SPACA7: variants seen among roughly 807,000 people sequenced by gnomAD.
SPACA7 encodes the protein sperm acrosome associated 7.
A neutral mutation model predicts 26.3 loss-of-function variants in SPACA7; 19 were observed. That is an observed-to-expected ratio of 0.72 (90% CI 0.50 to 1.06). SPACA7 has a LOEUF of 1.06. Ranked by LOEUF, SPACA7 falls within the 50% of genes least tolerant of loss-of-function variation. The probability of loss-of-function intolerance (pLI) is 0.00; values close to 1 mark genes in which losing one functional copy is unlikely to be tolerated. For missense variants in SPACA7, 211 were observed against 229.9 expected (o/e 0.92, Z 0.53); for synonymous variants, 84 against 84.5 (o/e 0.99, Z 0.04).
intron 5 of SPACA7, among the ~76,000 whole-genome samples, chr13:112,407,343 C>A (rs1886050396): frequency 6.6e-6 from 1 of 152,100 alleles, no homozygotes; most frequent in Non-Finnish European, 1.5e-5. Flanking sequence ...CAAAAGCTAG[C>A]AGAAGGCAAG....
intron 2 of SPACA7, among the ~76,000 whole-genome samples, chr13:112,396,900 C>T (rs1360279506): frequency 1.1e-4 from 16 of 152,196 alleles, no homozygotes; most frequent in Non-Finnish European, 2.4e-4. Flanking sequence ...TCGTCCACTC[C>T]CAGGGCAGGA....
At position 112,388,238 on chromosome 13, in the gene SPACA7, G is replaced by A. The variant is rs538779452; in HGVS notation, c.95-4783G>A. Among the ~76,000 whole-genome samples the A allele has an allele frequency of 2.0e-5, 3 of 152,206 alleles. No homozygotes were observed. In the East Asian group the frequency reaches 5.8e-4, roughly 29 times the overall value. On this transcript the variant is annotated intron_variant, in intron 1 of 6. Transcript: ENST00000283550. ...AACTATCCTCCTATTCTCCATCTGG[G>A]AAACCTCCTCAAAATCTTCCTGAGT... is the stretch of plus-strand genomic sequence containing the variant.
intron 1 of SPACA7, among the ~76,000 whole-genome samples, chr13:112,381,867 A>G (rs1277922613): frequency 6.6e-6 from 1 of 152,196 alleles, no homozygotes; most frequent in Non-Finnish European, 1.5e-5. Flanking sequence ...TGATCCATCA[A>G]GGGCAGGATC....
rs1876078988 is a variant in SPACA7 at position 112,422,416 on chromosome 13, AAAC to A, written c.446-10023_446-10021del. Among the ~76,000 whole-genome samples, 3 of 152,352 alleles carry A rather than the reference AAAC, an allele frequency of 2.0e-5. No individual in the cohort carries two copies. In the South Asian group the frequency reaches 6.2e-4, roughly 32 times the overall value. ...GACAGAATAAGGACATAAAAGGCCA[AAAC>A]AACATTTTTAGCCAAATTACTCAAA... On this transcript the variant is annotated intron_variant, in intron 5 of 6. Transcript: ENST00000283550.
At chr13:112,433,952 G>A (rs1011790177) in intron 6 of SPACA7, among the ~76,000 whole-genome samples, 4 of 152,160 alleles carry the variant, frequency 2.6e-5, no homozygotes, top group African/African-American at 9.7e-5. Context: ...TGTTCTGCAG[G>A]GAGAACCACA....
At chr13:112,420,674 G>T (rs1712605189) in intron 5 of SPACA7, among the ~76,000 whole-genome samples, 1 of 152,008 alleles carries the variant, frequency 6.6e-6, no homozygotes, top group African/African-American at 2.4e-5. Flanking sequence ...GGCTGAAAAT[G>T]CCCAAAAGTA....
At chr13:112,396,922 A>C (rs1022489596) in intron 2 of SPACA7, among the ~76,000 whole-genome samples, 1 of 152,146 alleles carries the variant, frequency 6.6e-6, no homozygotes, top group African/African-American at 2.4e-5. Context: ...GCGGGGGTGC[A>C]GGCCTGGACA....
At chr13:112,379,504 T>C (rs1340076227) in intron 1 of SPACA7, among the ~76,000 whole-genome samples, 2 of 152,158 alleles carry the variant, frequency 1.3e-5, no homozygotes, top group Non-Finnish European at 2.9e-5. Flanking sequence ...TACAAGACAA[T>C]AACGGAAATT....
At chr13:112,404,980 T>TC (rs1566472818) in intron 5 of SPACA7, among the ~76,000 whole-genome samples, 1 of 65,082 alleles carries the variant, frequency 1.5e-5, no homozygotes. Context: ...ATTCTCTTCT[T>TC]TTTTTTTTTT....
chr13:112,398,645 T>C (rs1885440397), intron 3 of SPACA7, among the ~76,000 whole-genome samples: 1 of 152,152 alleles, frequency 6.6e-6, no homozygotes, highest in South Asian at 2.1e-4. Context: ...CAAGTGCAGC[T>C]TCACATGGTC....
intron 5 of SPACA7, among the ~76,000 whole-genome samples, chr13:112,412,283 G>GT (rs563176038): frequency 1.3e-5 from 2 of 151,996 alleles, no homozygotes; most frequent in South Asian, 2.1e-4. Context: ...TTTTAAATTA[G>GT]TTTTTTTGTT....
chr13:112,389,230 C>A (rs1445350273), intron 1 of SPACA7, among the ~76,000 whole-genome samples: 1 of 152,196 alleles, frequency 6.6e-6, no homozygotes, highest in African/African-American at 2.4e-5. Flanking sequence ...TAAGCAAGGA[C>A]AGCTTGGAGG....
intron 1 of SPACA7, among the ~76,000 whole-genome samples, chr13:112,377,201 C>T (rs910088673): frequency 3.3e-5 from 5 of 152,092 alleles, no homozygotes; most frequent in Admixed American, 2.0e-4. Flanking sequence ...CTTTTATAAA[C>T]AAAAATGAAG....
At position 112,381,597 on chromosome 13, in the gene SPACA7, T is replaced by C. The variant is rs548590877; in HGVS notation, c.94+5118T>C. ...ATTCTTCAAGACAGGGGAACTGCGA[T>C]AGAGAAAGAGTAATTCACGCAGAGC... On this transcript the variant is annotated intron_variant, in intron 1 of 6. Transcript: ENST00000283550. 2.6e-4 allele frequency among the ~76,000 whole-genome samples: 40 copies of C among 151,992 alleles called. No individual in the cohort carries two copies. The South Asian group carries it at 8.3e-3, about 32-fold the overall frequency.
Position 112,400,946 on chromosome 13 carries a change from A to G in SPACA7, c.350-123A>G, listed in dbSNP as rs1040423679. ...ATTGAGTTTCCAAAACATATTTTCA[A>G]ATAAAACTTGAAAATGATATTAGCA... On this transcript the variant is annotated intron_variant, in intron 4 of 6. Coordinates refer to ENST00000283550, the MANE Select transcript of SPACA7 (RefSeq NM_145248.5). 1.8e-4 allele frequency: 126 copies of G among 718,738 alleles called. No homozygotes were observed. In the African/African-American group the frequency reaches 2.0e-3, roughly 11 times the overall value. 44.5% of individuals were successfully genotyped at this position (718,738 alleles called of 1,614,324 possible). A position where few individuals can be genotyped will look rare whatever the true frequency, so the allele number is the denominator to read the frequency against.
chr13:112,410,951 A>G (rs921739592), intron 5 of SPACA7, among the ~76,000 whole-genome samples: 1 of 152,138 alleles, frequency 6.6e-6, no homozygotes, highest in Non-Finnish European at 1.5e-5. Context: ...CCATTTCTTT[A>G]TTTTTAACCA....
At chr13:112,386,353 C>A (rs542389195) in intron 1 of SPACA7, among the ~76,000 whole-genome samples, 1 of 152,142 alleles carries the variant, frequency 6.6e-6, no homozygotes, top group Non-Finnish European at 1.5e-5. Context: ...TTTTATACTG[C>A]GAAGTAGTTT....
intron 1 of SPACA7, among the ~76,000 whole-genome samples, chr13:112,391,132 T>C (rs1378629110): frequency 6.6e-6 from 1 of 152,196 alleles, no homozygotes; most frequent in Non-Finnish European, 1.5e-5. Flanking sequence ...CACAGTTGTG[T>C]AAGGAATGGG....
chr13:112,409,027 A>G (rs1186435093), intron 5 of SPACA7, among the ~76,000 whole-genome samples: 1 of 152,310 alleles, frequency 6.6e-6, no homozygotes, highest in African/African-American at 2.4e-5. Flanking sequence ...ATATAGACCA[A>G]TGGAACAGAA....
Sources: allele counts gnomAD v4.1 joint callset (sites outside exome capture counted in the v4.1 genomes callset), GRCh38; gene constraint gnomAD v4.1.1; transcripts MANE v1.5; gene names NCBI Gene and HGNC (gene_info 2026-07-23, HGNC 2026-07-21).